Variants in RILPL1 observed in about 807,000 individuals in gnomAD.
RILPL1 encodes RILP-like protein 1.
In RILPL1, 33 loss-of-function variants were observed where a neutral mutation model predicts 50.3. The observed-to-expected ratio is 0.66, with a 90% CI of 0.50 to 0.88. The LOEUF (loss-of-function observed/expected upper bound fraction) is 0.88. RILPL1 is among the 40% of genes least tolerant of loss of function. The probability of loss-of-function intolerance (pLI) is 0.00; values close to 1 mark genes in which losing one functional copy is unlikely to be tolerated. For missense variants in RILPL1, 418 were observed against 542.5 expected (o/e 0.77, Z 2.28); for synonymous variants, 205 against 228.6 (o/e 0.90, Z 0.93).
intron 6 of RILPL1, among the ~76,000 whole-genome samples, chr12:123,483,021 AGGTTGGG>A (rs1167996115): frequency 6.6e-6 from 1 of 152,012 alleles, no homozygotes; most frequent in Non-Finnish European, 1.5e-5. Context: ...TGGATTTTAA[AGGTTGGG>A]GTATATGGGT....
intron 6 of RILPL1, chr12:123,474,731 T>C (rs1358572639): frequency 6.6e-6 from 1 of 152,216 alleles, no homozygotes; most frequent in Non-Finnish European, 1.5e-5. Flanking sequence ...TATCATATAA[T>C]AGCATGTTAT....
rs369134161 is a variant in RILPL1, at chr12:123,491,899, C to T, written c.802-6094G>A. Among the ~76,000 whole-genome samples, 72 of 151,904 alleles carry T rather than the reference C, an allele frequency of 4.7e-4. No homozygotes were observed. In the South Asian group the frequency reaches 0.014, roughly 29 times the overall value. ...GCGCACACCTGTAATCCCAGCTACTCGGGAGGCTGAGGCACAAGAATTGCT... is the reference window on the plus strand; with the variant it reads ...GCGCACACCTGTAATCCCAGCTACTTGGGAGGCTGAGGCACAAGAATTGCT... On this transcript the variant is annotated intron_variant, in intron 4 of 6. Transcript: ENST00000376874. The surrounding 1 kb of genome is among the most constrained non-coding windows in gnomAD (Gnocchi z 4.0).
intron 6 of RILPL1, among the ~76,000 whole-genome samples, chr12:123,479,062 A>G (rs924688618): frequency 9.2e-5 from 14 of 152,134 alleles, no homozygotes; most frequent in Non-Finnish European, 2.9e-5. Context: ...TGCACTGTGC[A>G]GACAAGGGGC....
chr12:123,483,110 C>T (rs1478711847), intron 6 of RILPL1, among the ~76,000 whole-genome samples: 3 of 152,232 alleles, frequency 2.0e-5, no homozygotes, highest in Non-Finnish European at 4.4e-5. Context: ...CACAAAGTTT[C>T]TTGTGGGTTT....
rs543677573 is a variant in RILPL1, at chr12:123,484,477, C to T, written c.975-205G>A. ...TTACACAGGCTTCCCTGTCGCTACA[C>T]CTCTGTGGTTTCTTCTACCCAGAAT... is the stretch of plus-strand genomic sequence containing the variant. On this transcript the variant is annotated intron_variant, in intron 5 of 6. Coordinates refer to ENST00000376874, the MANE Select transcript of RILPL1 (RefSeq NM_178314.5). Among the ~76,000 whole-genome samples the T allele has an allele frequency of 2.0e-5, 3 of 152,182 alleles. No homozygotes were observed. The South Asian group carries it at 6.2e-4, about 32-fold the overall frequency.
chr12:123,516,032 T>TTAAAAAAAA (rs1489642623), intron 2 of RILPL1, among the ~76,000 whole-genome samples: 1 of 37,098 alleles, frequency 2.7e-5, no homozygotes, highest in Non-Finnish European at 4.2e-5. Flanking sequence ...AGACTCTGTC[T>TTAAAAAAAA]CAAAAAAAAA....
In RILPL1 at chr12:123,498,638, T is replaced by C; in HGVS notation, c.707A>G (p.Lys236Arg). The C allele has an allele frequency of 6.2e-7, 1 of 1,613,796 alleles. No individual in the cohort carries two copies. The highest frequency in any genetic ancestry group is 8.5e-7 in the Non-Finnish European group (1 of 1,179,888). Residue 236 changes from lysine (K) to arginine (R), a missense_variant, in exon 4 of 7, where the codon AAG becomes AGG. Physicochemically the swap from Lys to Arg is conservative, Grantham distance 26. Transcript: ENST00000376874. This position sits in a 1 kb window ranked among gnomAD's most constrained non-coding sequence, Gnocchi z 4.3. The stretch of plus-strand genomic sequence containing the variant: ...TCGCAGGCTGCCCATCTCCTGCTCC[T>C]TGGTCTGCAGGTCTGCCTCCAGCTC... ...KVELEADLQT[K>R]EQEMGSLRAE...
At chr12:123,483,465 C>A (rs1456851024) in intron 6 of RILPL1, among the ~76,000 whole-genome samples, 1 of 152,236 alleles carries the variant, frequency 6.6e-6, no homozygotes, top group Non-Finnish European at 1.5e-5. Context: ...TAGATACTGT[C>A]TAACAAAACC....
At chr12:123,490,460 A>T (rs1882617790) in intron 4 of RILPL1, among the ~76,000 whole-genome samples, 1 of 152,178 alleles carries the variant, frequency 6.6e-6, no homozygotes, top group Non-Finnish European at 1.5e-5. Flanking sequence ...TGCCCAAGAC[A>T]TTGAAGGGCT....
intron 1 of RILPL1, among the ~76,000 whole-genome samples, chr12:123,532,552 G>A (rs536252540): frequency 1.3e-5 from 2 of 152,096 alleles, no homozygotes; most frequent in Admixed American, 6.6e-5. Context: ...GTCCTGTGAG[G>A]ATTAAGGATA....
Position 123,498,727 on chromosome 12 carries a change from A to G in RILPL1, c.618T>C (p.His206=). 2 of 1,613,372 alleles carry G rather than the reference A, an allele frequency of 1.2e-6. No individual in the cohort carries two copies. Among genetic ancestry groups the G allele is most frequent in the Non-Finnish European group, 1.7e-6 (2 of 1,179,852 alleles). ...CCACCGTGACCCGGTGCCGAAGGTC[A>G]TGGTTGATCTTCATCAGCCGTGTCT... ...QQQTRLMKIN[H]DLRHRVTVVE... The change falls in exon 4 of 7, where the codon CAT becomes CAC. Residue 206 remains histidine, a synonymous_variant. Coordinates refer to ENST00000376874, the MANE Select transcript of RILPL1 (RefSeq NM_178314.5). The surrounding 1 kb of genome is among the most constrained non-coding windows in gnomAD (Gnocchi z 4.3).
chr12:123,499,759 C>T (rs943530473), intron 2 of RILPL1, among the ~76,000 whole-genome samples: 3 of 151,978 alleles, frequency 2.0e-5, no homozygotes, highest in Admixed American at 6.6e-5. Flanking sequence ...TCTTCCTTGC[C>T]CATCAGTCCC....
intron 2 of RILPL1, chr12:123,514,492 T>C (rs1884581493): frequency 2.0e-5 from 3 of 152,004 alleles, no homozygotes; most frequent in Admixed American, 2.0e-4. Context: ...AGTGGCGCAA[T>C]CTCAGCTCAC....
At chr12:123,513,182 T>G (rs1479097494) in intron 2 of RILPL1, among the ~76,000 whole-genome samples, 1 of 151,282 alleles carries the variant, frequency 6.6e-6, no homozygotes. Flanking sequence ...CGTGTGTGAG[T>G]GGGTGTATGT....
At chr12:123,513,433 C>T (rs1377461049) in intron 2 of RILPL1, 10 of 299,126 alleles carry the variant, frequency 3.3e-5, no homozygotes, top group Middle Eastern at 5.0e-4. Context: ...AGAGGGGCGG[C>T]TGGGTCTATG....
Position 123,498,721 on chromosome 12 carries a change from A to G in RILPL1, c.624T>C (p.Leu208=). 6.2e-7 allele frequency: 1 copy of G among 1,613,330 alleles called. No individual in the cohort carries two copies. The highest frequency in any genetic ancestry group is 8.5e-7 in the Non-Finnish European group (1 of 1,179,818). ...CCTCCACCACCGTGACCCGGTGCCG[A>G]AGGTCATGGTTGATCTTCATCAGCC... ...QTRLMKINHD[L]RHRVTVVEAQ... The change falls in exon 4 of 7, where the codon CTT becomes CTC. Residue 208 remains leucine (L), a synonymous_variant. Coordinates refer to ENST00000376874, the MANE Select transcript of RILPL1 (RefSeq NM_178314.5). This position sits in a 1 kb window ranked among gnomAD's most constrained non-coding sequence, Gnocchi z 4.3.
At chr12:123,513,364 AC>A (rs1325255024) in intron 2 of RILPL1, 13 of 391,012 alleles carry the variant, frequency 3.3e-5, no homozygotes, top group Non-Finnish European at 5.3e-5. Flanking sequence ...TCACTCATTT[AC>A]TCCTTGCTGG....
chr12:123,479,345 T>A (rs1302505361), intron 6 of RILPL1, among the ~76,000 whole-genome samples: 1 of 151,270 alleles, frequency 6.6e-6, no homozygotes, highest in African/African-American at 2.4e-5. Flanking sequence ...GGAGGAGGGG[T>A]GGGAAAAACC....
chr12:123,494,730 C>T (rs954626145), intron 4 of RILPL1, among the ~76,000 whole-genome samples: 23 of 152,168 alleles, frequency 1.5e-4, no homozygotes, highest in African/African-American at 5.3e-4. Context: ...TTGAGTTCAG[C>T]CCTCACATTC....
Sources: allele counts gnomAD v4.1 joint callset (sites outside exome capture counted in the v4.1 genomes callset), GRCh38; gene constraint gnomAD v4.1.1; non-coding constraint Gnocchi (gnomAD v3.1); transcripts MANE v1.5; gene names NCBI Gene and HGNC (gene_info 2026-07-23, HGNC 2026-07-21).